Variants in UNC13C observed in about 807,000 individuals in gnomAD.
UNC13C encodes unc-13 homolog C.
A neutral mutation model predicts 245.4 loss-of-function variants in UNC13C; 174 were observed. The ratio of observed to expected loss-of-function variants is 0.71; its 90% CI spans 0.63 to 0.80. The LOEUF is 0.80. Among genes scored for constraint, UNC13C ranks in the 30% least tolerant of loss-of-function variants. The probability of loss-of-function intolerance (pLI) is 0.00; values close to 1 mark genes in which losing one functional copy is unlikely to be tolerated. For synonymous variants in UNC13C, 992 were observed against 895.1 expected, an observed-to-expected ratio of 1.11 and a Z score of -1.93; for missense variants, 2,829 against 2,602.9, an observed-to-expected ratio of 1.09 and a Z score of -1.89.
chr15:54,615,340 G>A (rs1475199938), intron 30 of UNC13C, among the ~76,000 whole-genome samples: 20 of 152,016 alleles, frequency 1.3e-4, no homozygotes, highest in Admixed American at 1.3e-3. Context: ...AGATGCAGTG[G>A]TCTGAAGCCA....
chr15:54,233,921 C>T (rs975843857), intron 4 of UNC13C, among the ~76,000 whole-genome samples: 1 of 152,094 alleles, frequency 6.6e-6, no homozygotes, highest in Non-Finnish European at 1.5e-5. Flanking sequence ...TAAGGAGAAG[C>T]TATCATCAGT....
chr15:54,552,335 T>C (rs1896775599), intron 28 of UNC13C, among the ~76,000 whole-genome samples: 1 of 121,138 alleles, frequency 8.3e-6, no homozygotes, highest in South Asian at 2.3e-4. Context: ...AATTATATAT[T>C]ATATACAATT....
intron 4 of UNC13C, among the ~76,000 whole-genome samples, chr15:54,166,667 A>C (rs1036935482): frequency 6.6e-6 from 1 of 152,164 alleles, no homozygotes; most frequent in African/African-American, 2.4e-5. Context: ...AATAGGTTTC[A>C]AGGTTAATAT....
At chr15:54,017,506 G>C (rs1895714543) in intron 2 of UNC13C, among the ~76,000 whole-genome samples, 1 of 152,026 alleles carries the variant, frequency 6.6e-6, no homozygotes, top group Admixed American at 6.5e-5. Flanking sequence ...GTGTGTGTGT[G>C]TGTGTGTGGT....
the UNC13C span, among the ~76,000 whole-genome samples, chr15:53,852,400 C>T: frequency 6.6e-6 from 1 of 152,106 alleles, no homozygotes; most frequent in Non-Finnish European, 1.5e-5. Flanking sequence ...TTTTCAACTA[C>T]GGTTTTCTAC....
At chr15:54,185,554 C>CA (rs1454272765) in intron 4 of UNC13C, among the ~76,000 whole-genome samples, 2 of 150,724 alleles carry the variant, frequency 1.3e-5, no homozygotes, top group African/African-American at 2.5e-5. Context: ...TTGTTTTTGT[C>CA]AGGTTTGTCA....
At chr15:54,183,889 T>C (rs965677351) in intron 4 of UNC13C, among the ~76,000 whole-genome samples, 1 of 152,162 alleles carries the variant, frequency 6.6e-6, no homozygotes, top group South Asian at 2.1e-4. Context: ...TCCTGAAATC[T>C]TCACAAAAGA....
intron 1 of UNC13C, among the ~76,000 whole-genome samples, chr15:54,006,443 T>C (rs1363526724): frequency 2.0e-5 from 3 of 152,228 alleles, no homozygotes; most frequent in Admixed American, 6.5e-5. Flanking sequence ...ATCATTTTTG[T>C]TGAAATATTT....
chr15:54,521,990 G>C (rs2141132979), intron 24 of UNC13C, among the ~76,000 whole-genome samples: 1 of 152,294 alleles, frequency 6.6e-6, no homozygotes, highest in South Asian at 2.1e-4. Flanking sequence ...AGAGCATTTA[G>C]AGAGAACACT....
intron 17 of UNC13C, among the ~76,000 whole-genome samples, chr15:54,366,739 G>C (rs1400242734): frequency 6.6e-6 from 1 of 152,014 alleles, no homozygotes; most frequent in African/African-American, 2.4e-5. Context: ...TTTTTATTAA[G>C]CATCATCTTG....
chr15:53,950,606 T>G, the UNC13C span, among the ~76,000 whole-genome samples: 1 of 152,190 alleles, frequency 6.6e-6, no homozygotes, highest in Non-Finnish European at 1.5e-5. Flanking sequence ...TATTTAATTT[T>G]AGATTACATG....
intron 7 of UNC13C, among the ~76,000 whole-genome samples, chr15:54,241,420 A>C (rs1370284322): frequency 6.6e-6 from 1 of 152,186 alleles, no homozygotes; most frequent in African/African-American, 2.4e-5. Flanking sequence ...CTTCAACTTC[A>C]ACCAGAGCTG....
intron 14 of UNC13C, among the ~76,000 whole-genome samples, chr15:54,322,924 G>A (rs2140981766): frequency 6.6e-6 from 1 of 151,946 alleles, no homozygotes; most frequent in East Asian, 2.0e-4. Flanking sequence ...GAAGATGCCT[G>A]GAAATATTCC....
intron 4 of UNC13C, among the ~76,000 whole-genome samples, chr15:54,183,163 T>C (rs1393542683): frequency 6.6e-6 from 1 of 151,902 alleles, no homozygotes; most frequent in Non-Finnish European, 1.5e-5. Context: ...GGAAAATGAA[T>C]ATCAAGTAGT....
chr15:54,536,288 T>C (rs959224134), intron 26 of UNC13C, among the ~76,000 whole-genome samples: 1 of 151,816 alleles, frequency 6.6e-6, no homozygotes, highest in Non-Finnish European at 1.5e-5. Context: ...CAGGAAGAAA[T>C]TGAAACCCTG....
intron 4 of UNC13C, among the ~76,000 whole-genome samples, chr15:54,184,188 T>G (rs2033893533): frequency 6.6e-6 from 1 of 152,166 alleles, no homozygotes; most frequent in Admixed American, 6.5e-5. Context: ...CCAAGGCATT[T>G]TCCTTTGTTA....
intron 4 of UNC13C, among the ~76,000 whole-genome samples, chr15:54,185,818 T>G (rs1452351654): frequency 6.6e-6 from 1 of 150,990 alleles, no homozygotes; most frequent in Non-Finnish European, 1.5e-5. Context: ...AAGTCACTGG[T>G]AGCTTGATGG....
At chr15:54,350,516 C>T (rs1432791989) in intron 17 of UNC13C, among the ~76,000 whole-genome samples, 1 of 152,120 alleles carries the variant, frequency 6.6e-6, no homozygotes, top group Non-Finnish European at 1.5e-5. Flanking sequence ...AAGGTTCTAA[C>T]CTCTCCTCCA....
intron 1 of UNC13C, among the ~76,000 whole-genome samples, chr15:54,004,104 A>G (rs1358990369): frequency 6.6e-6 from 1 of 152,126 alleles, no homozygotes; most frequent in Non-Finnish European, 1.5e-5. Flanking sequence ...ATTAGATTGT[A>G]TTCATTATTT....
Sources: gnomAD v4.1 joint callset for allele counts (sites outside exome capture counted in the v4.1 genomes callset) on GRCh38, gnomAD v4.1.1 for gene constraint, MANE v1.5 for transcripts, NCBI Gene and HGNC (gene_info 2026-07-23, HGNC 2026-07-21) for gene names.